MOK: variants seen among roughly 807,000 people sequenced by gnomAD.
MOK encodes the protein MAPK/MAK/MRK overlapping kinase.
In MOK, 59 loss-of-function variants were observed where a neutral mutation model predicts 54.2. That is an observed-to-expected ratio of 1.09 (90% confidence interval 0.88 to 1.35). The LOEUF (loss-of-function observed/expected upper bound fraction) is 1.35. Among genes scored for constraint, MOK ranks in the 40% most tolerant of loss-of-function variants. The pLI is 0.00. For synonymous variants in MOK, 210 were observed against 202.7 expected, an observed-to-expected ratio of 1.04 and a Z score of -0.31; for missense variants, 517 against 526.2, an observed-to-expected ratio of 0.98 and a Z score of 0.17.
At chr14:102,287,382 T>C (rs1245066925) in intron 1 of MOK, among the ~76,000 whole-genome samples, 1 of 152,142 alleles carries the variant, frequency 6.6e-6, no homozygotes, top group Non-Finnish European at 1.5e-5. Flanking sequence ...GACGGGCAGA[T>C]CACGAGGTCA....
At chr14:102,285,432 A>G (rs1007848275) in intron 1 of MOK, among the ~76,000 whole-genome samples, 4 of 152,180 alleles carry the variant, frequency 2.6e-5, no homozygotes, top group African/African-American at 9.7e-5. Context: ...TCCTTTCCAC[A>G]TGCACATTTC....
At chr14:102,270,385 A>C in intron 2 of MOK, among the ~76,000 whole-genome samples, 1 of 152,132 alleles carries the variant, frequency 6.6e-6, no homozygotes, top group Non-Finnish European at 1.5e-5. Context: ...GTGGATCACG[A>C]GGTCAGGAGT....
chr14:102,253,287 G>C (rs577583657), intron 4 of MOK, among the ~76,000 whole-genome samples: 3 of 152,174 alleles, frequency 2.0e-5, no homozygotes, highest in African/African-American at 7.2e-5. Flanking sequence ...TAGCACATGC[G>C]TCAGCTCTGT....
intron 1 of MOK, among the ~76,000 whole-genome samples, chr14:102,296,925 GCA>G (rs1433189784): frequency 5.3e-5 from 8 of 152,012 alleles, no homozygotes; most frequent in Admixed American, 3.3e-4. Flanking sequence ...AGGCGTGGTG[GCA>G]GACACTTGTA....
rs188514527 is a variant in MOK, at chr14:102,245,474, A to C, written c.590+5338T>G. On this transcript the variant is annotated intron_variant, in intron 7 of 11. Transcript: ENST00000361847. The surrounding 1 kb of genome is among the most constrained non-coding windows in gnomAD (Gnocchi z 4.3). ...TGAAGCAAGTGAAGAATCACAAAAG[A>C]AGTGAAAATGGCCGGTCCCTGCCTT... 4.6e-3 allele frequency among the ~76,000 whole-genome samples: 701 copies of C among 152,174 alleles called. 6 individuals carry two copies. The highest frequency in any genetic ancestry group is 0.016 in the African/African-American group (651 of 41,486).
chr14:102,283,233 G>C, intron 2 of MOK: 2 of 368,782 alleles, frequency 5.4e-6, no homozygotes. Flanking sequence ...ACTGTTTAAG[G>C]TGAGACACAC....
chr14:102,265,753 G>GGTT (rs1449587024), intron 3 of MOK, 70 bp downstream of exon 3: 1 of 1,271,416 alleles, frequency 7.9e-7, no homozygotes, highest in African/African-American at 1.5e-5. Flanking sequence ...TGTCTACCAT[G>GGTT]GTTTTCTTTC....
chr14:102,293,722 A>G lies in MOK; in HGVS notation c.8-10130T>C, dbSNP rs867043791. On this transcript the variant is annotated intron_variant, in intron 1 of 11. Coordinates refer to ENST00000361847, the MANE Select transcript of MOK (RefSeq NM_014226.3). ...ATCACAAAAAAAAAAAAAAAAAAAA[A>G]AAAAGAAAAGAAAAGAAAAAAAAGA... Among the ~76,000 whole-genome samples, 1,199 of 146,084 alleles carry G rather than the reference A, an allele frequency of 8.2e-3. 6 individuals are homozygous for G. Among genetic ancestry groups the G allele is most frequent in the African/African-American group, 0.023 (889 of 39,098 alleles).
intron 2 of MOK, among the ~76,000 whole-genome samples, chr14:102,273,485 C>G (rs1256326186): frequency 1.3e-5 from 2 of 151,898 alleles, no homozygotes; most frequent in Non-Finnish European, 1.5e-5. Context: ...AACTACAAAA[C>G]AGCTGAAACC....
At chr14:102,234,637 T>C (rs2065049582) in intron 7 of MOK, among the ~76,000 whole-genome samples, 1 of 152,046 alleles carries the variant, frequency 6.6e-6, no homozygotes, top group African/African-American at 2.4e-5. Flanking sequence ...AGTCTATTCC[T>C]CCTAAAACTA....
At chr14:102,257,959 GA>G (rs2067103346) in intron 4 of MOK, among the ~76,000 whole-genome samples, 3 of 148,122 alleles carry the variant, frequency 2.0e-5, no homozygotes, top group African/African-American at 7.6e-5. Flanking sequence ...CCTGCCAACA[GA>G]GTGAGACTCT....
At chr14:102,289,991 G>C (rs529255525) in intron 1 of MOK, among the ~76,000 whole-genome samples, 3 of 151,858 alleles carry the variant, frequency 2.0e-5, no homozygotes, top group African/African-American at 7.2e-5. Context: ...TGGTTAGAAC[G>C]AGACATCCTC....
rs527978404 is a variant in MOK, at chr14:102,275,436, C to T, written c.122+8042G>A. Reference sequence around the variant, plus strand: ...AAAATTAGCCGGGCGTGGTGGTGGGCGCCTGCGGTCCCAGCTACTCGGGAG... The same window carrying T: ...AAAATTAGCCGGGCGTGGTGGTGGGTGCCTGCGGTCCCAGCTACTCGGGAG... On this transcript the variant is annotated intron_variant, in intron 2 of 11. Coordinates refer to ENST00000361847, the MANE Select transcript of MOK (RefSeq NM_014226.3). 8.2e-4 allele frequency among the ~76,000 whole-genome samples: 124 copies of T among 151,658 alleles called. No homozygotes were observed. The East Asian group carries it at 0.022, about 27-fold the overall frequency.
In MOK at chr14:102,244,669, C is replaced by T. The variant is rs149372280; in HGVS notation, c.590+6143G>A. 4.2e-3 allele frequency among the ~76,000 whole-genome samples: 645 copies of T among 152,284 alleles called. 7 individuals carry two copies. Among genetic ancestry groups the T allele is most frequent in the African/African-American group, 0.015 (629 of 41,542 alleles). Reference sequence around the variant, plus strand: ...AAATACGTCTCGGTCTAGATAGACACTTTCACTGGATGGGTAGAGGCCTTT... The same window carrying T: ...AAATACGTCTCGGTCTAGATAGACATTTTCACTGGATGGGTAGAGGCCTTT... On this transcript the variant is annotated intron_variant, in intron 7 of 11. Coordinates refer to ENST00000361847, the MANE Select transcript of MOK (RefSeq NM_014226.3).
downstream of MOK, among the ~76,000 whole-genome samples, chr14:102,224,141 A>C (rs1266832395): frequency 6.9e-6 from 1 of 145,908 alleles, no homozygotes; most frequent in South Asian, 2.1e-4. Context: ...TCCCGGGTTC[A>C]CGCCATTCTC....
chr14:102,300,015 G>A (rs920635487), intron 1 of MOK, among the ~76,000 whole-genome samples: 41 of 152,054 alleles, frequency 2.7e-4, no homozygotes, highest in African/African-American at 8.9e-4. Flanking sequence ...CCCATCTCTA[G>A]TAAACAATTA....
At position 102,236,802 on chromosome 14, in the gene MOK, C is replaced by T. The variant is rs746218413; in HGVS notation, c.591-3013G>A. ...CTAACCCACCAAAAAGGCTTACAGC[C>T]CATCACAAACAAGCTCTGTTCACGC... On this transcript the variant is annotated intron_variant, in intron 7 of 11. Transcript: ENST00000361847. The surrounding 1 kb of genome is among the most constrained non-coding windows in gnomAD (Gnocchi z 4.5). Among the ~76,000 whole-genome samples, 5 of 152,168 alleles carry T rather than the reference C, an allele frequency of 3.3e-5. No individual in the cohort carries two copies. The highest frequency in any genetic ancestry group is 4.8e-5 in the African/African-American group (2 of 41,432).
At chr14:102,234,706 C>T (rs1212579899) in intron 7 of MOK, among the ~76,000 whole-genome samples, 1 of 152,120 alleles carries the variant, frequency 6.6e-6, no homozygotes, top group Non-Finnish European at 1.5e-5. Context: ...CAGAAATCTG[C>T]CCTAAAAGGC....
Position 102,294,242 on chromosome 14 carries a change from C to G in MOK, c.8-10650G>C, listed in dbSNP as rs1049942021. ...CGGGCGGATCACGAGGTCAGGAGAT[C>G]AACACCATCCTGGCTAACATGGTGA... is the stretch of plus-strand genomic sequence containing the variant. On this transcript the variant is annotated intron_variant, in intron 1 of 11. Coordinates refer to ENST00000361847, the MANE Select transcript of MOK (RefSeq NM_014226.3). Among the ~76,000 whole-genome samples the G allele has an allele frequency of 3.2e-4, 48 of 150,792 alleles. 1 individual carries two copies. The highest frequency in any genetic ancestry group is 2.5e-3 in the Admixed American group (38 of 15,258).
Sources: allele counts gnomAD v4.1 joint callset (sites outside exome capture counted in the v4.1 genomes callset), GRCh38; gene constraint gnomAD v4.1.1; non-coding constraint Gnocchi (gnomAD v3.1); transcripts MANE v1.5; gene names NCBI Gene and HGNC (gene_info 2026-07-23, HGNC 2026-07-21).